Variants in RGS3 observed in about 807,000 individuals in gnomAD.
The protein encoded by RGS3 is regulator of G protein signaling 3, also known as regulator of G-protein signalling 3.
A neutral mutation model predicts 132.6 loss-of-function variants in RGS3; 80 were observed. The observed-to-expected ratio is 0.60, with a 90% CI of 0.50 to 0.73. The LOEUF (loss-of-function observed/expected upper bound fraction) is 0.73. RGS3 is among the 30% of genes least tolerant of loss of function. RGS3 has a pLI of 0.00. For synonymous variants in RGS3, 598 were observed against 620.6 expected (o/e 0.96, Z 0.54); for missense variants, 1,382 against 1,530.8 (o/e 0.90, Z 1.62).
chr9:113,467,166 T>C (rs946728678), intron 3 of RGS3, among the ~76,000 whole-genome samples: 7 of 152,246 alleles, frequency 4.6e-5, no homozygotes, highest in Admixed American at 4.6e-4. Flanking sequence ...TTATGAATAA[T>C]ACTGCCATGA....
At chr9:113,495,954 GC>G in intron 8 of RGS3, 108 bp downstream of exon 6, 1 of 965,464 alleles carries the variant, frequency 1.0e-6, no homozygotes, top group Non-Finnish European at 1.7e-6. Flanking sequence ...GTGAGATGGT[GC>G]CCCACTGAGA....
intron 1 of RGS3, among the ~76,000 whole-genome samples, chr9:113,452,594 T>C (rs545503623): frequency 3.9e-5 from 6 of 152,152 alleles, no homozygotes; most frequent in African/African-American, 1.4e-4. Flanking sequence ...CCACTATTTC[T>C]TTAAATATAT....
chr9:113,545,802 A>G (rs1833089070), intron 19 of RGS3, among the ~76,000 whole-genome samples: 2 of 152,302 alleles, frequency 1.3e-5, no homozygotes, highest in East Asian at 3.9e-4. Context: ...GCAGACTTAC[A>G]AGGTGTGTTA....
chr9:113,596,889 G>T (rs777366932), exon 25 of RGS3: 7 of 1,613,776 alleles, frequency 4.3e-6, no homozygotes, highest in African/African-American at 1.3e-5. Context: ...TCGTACCCTC[G>T]CTTTCTCCGT....
At chr9:113,495,193 A>G (rs1056500502) in intron 7 of RGS3, among the ~76,000 whole-genome samples, 1 of 152,118 alleles carries the variant, frequency 6.6e-6, no homozygotes, top group Admixed American at 6.5e-5. Flanking sequence ...TTTTTAACCA[A>G]GAAGATTGAA....
intron 19 of RGS3, among the ~76,000 whole-genome samples, chr9:113,569,587 T>TTCCTTCCC (rs1367718010): frequency 5.5e-5 from 7 of 126,652 alleles, no homozygotes; most frequent in African/African-American, 2.1e-4. Context: ...CTTTCCTTCC[T>TTCCTTCCC]TCCTTCCTTC....
Position 113,563,931 on chromosome 9 carries a change from G to A in RGS3, c.2038-19519G>A, listed in dbSNP as rs544778109. Among the ~76,000 whole-genome samples the A allele has an allele frequency of 1.2e-3, 182 of 152,246 alleles. 1 individual carries two copies. Among genetic ancestry groups the A allele is most frequent in the Admixed American group, 3.1e-3 (47 of 15,300 alleles). ...CCGTGCTTCAGCCTAGGTGGCCAAGGTGGGTGGGGTGGGCATGGGAAAATA... is the reference window on the plus strand; with the variant it reads ...CCGTGCTTCAGCCTAGGTGGCCAAGATGGGTGGGGTGGGCATGGGAAAATA... On this transcript the variant is annotated intron_variant, in intron 19 of 24. Coordinates refer to ENST00000350696, the Ensembl canonical transcript of RGS3.
chr9:113,500,575 G>T (rs1010160253), intron 10 of RGS3, among the ~76,000 whole-genome samples: 1 of 152,098 alleles, frequency 6.6e-6, no homozygotes, highest in Non-Finnish European at 1.5e-5. Context: ...AGATGAGGAC[G>T]CTGGGTTGTC....
intron 4 of RGS3, among the ~76,000 whole-genome samples, chr9:113,481,952 A>G (rs1830173045): frequency 2.6e-5 from 4 of 152,002 alleles, no homozygotes; most frequent in Admixed American, 2.6e-4. Context: ...AGGCTGAGGC[A>G]GGAGAATCAC....
intron 8 of RGS3, 108 bp from the exon 7 acceptor site, chr9:113,497,206 C>T (rs1223528805): frequency 1.2e-6 from 1 of 805,140 alleles, no homozygotes; most frequent in Non-Finnish European, 2.1e-6. Flanking sequence ...GAGTCTGTCT[C>T]TCCTGTGGGT....
In RGS3 at chr9:113,494,238, C is replaced by T. The variant is rs181552765; in HGVS notation, c.690-1548C>T. 1.3e-3 allele frequency among the ~76,000 whole-genome samples: 201 copies of T among 151,482 alleles called. 1 individual carries two copies. Among genetic ancestry groups the T allele is most frequent in the African/African-American group, 4.5e-3 (186 of 41,306 alleles). ...TTTTTTTTTCTCCTGATTATAAAAA[C>T]GATACTTGTTCCCTATGCAAACAGT... On this transcript the variant is annotated intron_variant, in intron 7 of 24. Coordinates refer to ENST00000350696, the Ensembl canonical transcript of RGS3.
intron 21 of RGS3, 73 bp from the exon 20 acceptor site, chr9:113,594,357 G>A (rs768174056): frequency 6.3e-7 from 1 of 1,598,124 alleles, no homozygotes; most frequent in Non-Finnish European, 8.5e-7. Context: ...CCTCGACCCA[G>A]CTCTCCCGAC....
intron 1 of RGS3, among the ~76,000 whole-genome samples, chr9:113,447,470 T>C (rs1829139785): frequency 6.7e-6 from 1 of 150,014 alleles, no homozygotes; most frequent in Non-Finnish European, 1.5e-5. Flanking sequence ...CTTTTACTTA[T>C]TGAATATATA....
At chr9:113,526,086 G>A (rs1160315027) in intron 17 of RGS3, among the ~76,000 whole-genome samples, 6 of 152,190 alleles carry the variant, frequency 3.9e-5, no homozygotes, top group Admixed American at 6.5e-5. Context: ...TCTGCTGCCC[G>A]CTAGCTTTGC....
At position 113,479,628 on chromosome 9, in the gene RGS3, C is replaced by T. The variant is rs114547215; in HGVS notation, c.466+87C>T. The T allele has an allele frequency of 4.1e-6, 5 of 1,224,148 alleles. No homozygotes were observed. In the East Asian group the frequency reaches 9.3e-5, roughly 23 times the overall value. 75.8% of individuals were successfully genotyped at this position (1,224,148 alleles called of 1,614,324 possible). A position where few individuals can be genotyped will look rare whatever the true frequency, so the allele number is the denominator to read the frequency against. The stretch of plus-strand genomic sequence containing the variant: ...GGCTGGGGTTGGGGGATGGTGGCAC[C>T]ATGGGCCAAGGCTTCTTTTCTCATC... On this transcript the variant is annotated intron_variant, in intron 4 of 24. Transcript: ENST00000350696.
In RGS3 at chr9:113,591,874, A is replaced by C. The variant is rs1835447355; in HGVS notation, c.3080+477A>C. 5.8e-6 allele frequency: 1 copy of C among 170,948 alleles called. No homozygotes were observed. Among genetic ancestry groups the C allele is most frequent in the African/African-American group, 2.4e-5 (1 of 42,532 alleles). 10.6% of individuals were successfully genotyped at this position (170,948 alleles called of 1,614,324 possible). A position where few individuals can be genotyped will look rare whatever the true frequency, so the allele number is the denominator to read the frequency against. ...CCAGCTGCCGAATCCCGCACTCGCC[A>C]AGCCTTTCTGGCCACACTCAGGCCT... is the stretch of plus-strand genomic sequence containing the variant. On this transcript the variant is annotated intron_variant, in intron 21 of 24. Transcript: ENST00000350696. This position sits in a 1 kb window ranked among gnomAD's most constrained non-coding sequence, Gnocchi z 4.4.
chr9:113,520,485 C>T (rs1226953220), intron 16 of RGS3, among the ~76,000 whole-genome samples: 4 of 152,158 alleles, frequency 2.6e-5, no homozygotes, highest in Admixed American at 2.0e-4. Context: ...GGTTCTTCCC[C>T]AGTTGCTGGT....
chr9:113,488,775 G>A (rs576006452), intron 7 of RGS3, among the ~76,000 whole-genome samples: 19 of 152,368 alleles, frequency 1.2e-4, no homozygotes, highest in African/African-American at 4.3e-4. Context: ...CTTGGGAGCA[G>A]AGGGCCCTGT....
chr9:113,572,534 C>T (rs1834336530), intron 19 of RGS3, among the ~76,000 whole-genome samples: 1 of 152,108 alleles, frequency 6.6e-6, no homozygotes, highest in Admixed American at 6.5e-5. Context: ...GATGGGCACC[C>T]CACCACCACC....
Sources: allele counts gnomAD v4.1 joint callset (sites outside exome capture counted in the v4.1 genomes callset), GRCh38; gene constraint gnomAD v4.1.1; non-coding constraint Gnocchi (gnomAD v3.1); transcripts MANE v1.5; gene names NCBI Gene and HGNC (gene_info 2026-07-23, HGNC 2026-07-21).